USH2A: variants seen among roughly 807,000 people sequenced by gnomAD.
USH2A encodes Usher syndrome 2A (autosomal recessive, mild).
In USH2A, 443 loss-of-function variants were observed where a neutral mutation model predicts 538.9. The observed-to-expected ratio is 0.82, with a 90% CI of 0.76 to 0.89. The LOEUF (loss-of-function observed/expected upper bound fraction) is 0.89. Ranked by LOEUF, USH2A falls within the 40% of genes least tolerant of loss-of-function variation. USH2A has a pLI of 0.00. For synonymous variants in USH2A, 2,413 were observed against 2,273.5 expected (o/e 1.06, Z -1.75); for missense variants, 6,633 against 6,324.8 (o/e 1.05, Z -1.65).
chr1:215,684,892 C>T (rs1571956602), intron 61 of USH2A, among the ~76,000 whole-genome samples: 1 of 150,842 alleles, frequency 6.6e-6, no homozygotes, highest in East Asian at 1.9e-4. Context: ...ATCAAAAATT[C>T]ACCTTTTTGT....
intron 17 of USH2A, 70 bp from the exon 18 acceptor site, chr1:216,198,654 A>G: frequency 1.4e-6 from 2 of 1,445,526 alleles, no homozygotes; most frequent in South Asian, 2.3e-5. Context: ...TAGGGTAGGG[A>G]CAGGTCAGTT....
chr1:216,021,406 C>A (rs1482344909), intron 32 of USH2A, among the ~76,000 whole-genome samples: 4 of 152,160 alleles, frequency 2.6e-5, no homozygotes, highest in Non-Finnish European at 1.5e-5. Flanking sequence ...TCTCTATTGT[C>A]TGCTGCCATG....
At chr1:216,282,669 T>C (rs1240199934) in intron 11 of USH2A, among the ~76,000 whole-genome samples, 1 of 152,180 alleles carries the variant, frequency 6.6e-6, no homozygotes, top group South Asian at 2.1e-4. Flanking sequence ...TTTCCAACTC[T>C]TTTTTTATAA....
chr1:215,687,309 C>T (rs185286537), intron 61 of USH2A, among the ~76,000 whole-genome samples: 20 of 151,944 alleles, frequency 1.3e-4, no homozygotes, highest in African/African-American at 4.6e-4. Context: ...CACTTTAATG[C>T]TTTTACTCCA....
chr1:215,792,291 T>C (rs1662004254), intron 50 of USH2A, among the ~76,000 whole-genome samples: 1 of 152,204 alleles, frequency 6.6e-6, no homozygotes, highest in Admixed American at 6.5e-5. Flanking sequence ...GATGCCTTCT[T>C]TCACAAAGAG....
At position 215,759,663 on chromosome 1, in the gene USH2A, C is replaced by T. The variant is rs112898958; in HGVS notation, c.11228G>A (p.Ser3743Asn). The T allele has an allele frequency of 8.1e-6, 13 of 1,613,870 alleles. 1 individual carries two copies. Among genetic ancestry groups the T allele is most frequent in the African/African-American group, 4.0e-5 (3 of 75,026 alleles). The change falls in exon 57 of 72, where the codon AGC becomes AAC. Residue 3743 changes from serine to asparagine, a missense_variant. Coordinates refer to ENST00000307340, the MANE Select transcript of USH2A (RefSeq NM_206933.4). ...NFTDKNLEPN[S>N]RYTYKLEVKT... The stretch of plus-strand genomic sequence containing the variant: ...GTAAAGTTTTCTTTTAGTTTACCTG[C>T]TATTGGGCTCCAGGTTTTTATCAGT...
chr1:216,114,083 T>G (rs1012981149), intron 21 of USH2A, among the ~76,000 whole-genome samples: 5 of 151,868 alleles, frequency 3.3e-5, no homozygotes, highest in African/African-American at 1.2e-4. Context: ...TCTTCTTTTC[T>G]CTTTTCCTTA....
intron 66 of USH2A, 98 bp from the exon 67 acceptor site, chr1:215,647,828 T>G (rs746901448): frequency 1.4e-6 from 2 of 1,389,966 alleles, no homozygotes; most frequent in Non-Finnish European, 2.0e-6. Context: ...GACATTTTGT[T>G]TTCACAGAGC....
At chr1:216,148,753 C>T (rs572815392) in intron 21 of USH2A, among the ~76,000 whole-genome samples, 2 of 151,616 alleles carry the variant, frequency 1.3e-5, no homozygotes, top group African/African-American at 2.4e-5. Flanking sequence ...CTCTCCTATC[C>T]TCAATACCTG....
At chr1:216,047,950 T>C (rs777736614) in intron 31 of USH2A, among the ~76,000 whole-genome samples, 5 of 152,222 alleles carry the variant, frequency 3.3e-5, no homozygotes, top group Non-Finnish European at 5.9e-5. Flanking sequence ...TCTTAACATA[T>C]GCTTTCTGAA....
intron 59 of USH2A, among the ~76,000 whole-genome samples, chr1:215,741,887 T>C (rs1020409202): frequency 1.3e-5 from 2 of 152,092 alleles, no homozygotes; most frequent in Admixed American, 6.6e-5. Flanking sequence ...AGTGTATGTG[T>C]GACCTACACA....
intron 35 of USH2A, among the ~76,000 whole-genome samples, chr1:215,980,691 CTT>C (rs1313717829): frequency 6.6e-6 from 1 of 152,116 alleles, no homozygotes; most frequent in East Asian, 1.9e-4. Flanking sequence ...GGTTTTCTAA[CTT>C]ATATTAATAG....
At chr1:215,987,996 T>C (rs1372418778) in intron 35 of USH2A, among the ~76,000 whole-genome samples, 1 of 152,208 alleles carries the variant, frequency 6.6e-6, no homozygotes, top group Non-Finnish European at 1.5e-5. Context: ...GTTTAGTTTA[T>C]AGCATTTTAT....
At chr1:216,028,339 A>G (rs1054656489) in intron 32 of USH2A, among the ~76,000 whole-genome samples, 2 of 152,086 alleles carry the variant, frequency 1.3e-5, no homozygotes, top group African/African-American at 2.4e-5. Context: ...GTGAGCCAAA[A>G]TCATTCTACT....
intron 4 of USH2A, among the ~76,000 whole-genome samples, chr1:216,355,526 G>A (rs2038377970): frequency 6.6e-6 from 1 of 151,984 alleles, no homozygotes; most frequent in South Asian, 2.1e-4. Context: ...TATATCAAAT[G>A]AAAATATCCT....
At chr1:215,769,958 G>A (rs1474902849) in intron 55 of USH2A, among the ~76,000 whole-genome samples, 1 of 152,176 alleles carries the variant, frequency 6.6e-6, no homozygotes, top group African/African-American at 2.4e-5. Flanking sequence ...TCCCTGAAAT[G>A]TAGCCATGCT....
intron 21 of USH2A, chr1:216,174,195 C>T: frequency 2.0e-6 from 2 of 985,028 alleles, no homozygotes; most frequent in South Asian, 4.7e-5. Context: ...GCTCGAATTC[C>T]ATTTCATTGT....
At chr1:215,900,712 T>C (rs1665471009) in intron 39 of USH2A, 43 bp downstream of exon 39, 1 of 1,612,790 alleles carries the variant, frequency 6.2e-7, no homozygotes, top group African/African-American at 1.3e-5. Context: ...TATGTCTATA[T>C]TGTATAACCC....
At chr1:215,804,180 C>T (rs1371810620) in intron 49 of USH2A, among the ~76,000 whole-genome samples, 1 of 152,034 alleles carries the variant, frequency 6.6e-6, no homozygotes, top group African/African-American at 2.4e-5. Context: ...CCATAAAAAC[C>T]CTAGAAGAAA....
Sources: gnomAD v4.1 joint callset for allele counts (sites outside exome capture counted in the v4.1 genomes callset) on GRCh38, gnomAD v4.1.1 for gene constraint, MANE v1.5 for transcripts, NCBI Gene and HGNC (gene_info 2026-07-23, HGNC 2026-07-21) for gene names.